TTC39A: variants seen among roughly 807,000 people sequenced by gnomAD.
The protein encoded by TTC39A is tetratricopeptide repeat domain 39A.
TTC39A carries 46 observed loss-of-function variants against 82.3 expected under a neutral mutation model. The observed-to-expected ratio is 0.56, with a 90% CI of 0.44 to 0.71. The LOEUF is 0.71. TTC39A is among the 30% of genes least tolerant of loss of function. The pLI is 0.00. For missense variants in TTC39A, 543 were observed against 712.9 expected (o/e 0.76, Z 2.71); for synonymous variants, 254 against 275.2 (o/e 0.92, Z 0.76).
chr1:51,313,143 T>C (rs146810327), intron 2 of TTC39A, among the ~76,000 whole-genome samples, 200 bp from the exon 3 acceptor site: 5 of 152,340 alleles, frequency 3.3e-5, no homozygotes, highest in Admixed American at 6.5e-5. Flanking sequence ...GCTTGCCTTC[T>C]TCCTGCTGAG....
rs147276961 is a variant in TTC39A at position 51,290,245 on chromosome 1, C to T, written c.1379-126G>A. On this transcript the variant is annotated intron_variant, in intron 15 of 17. Transcript: ENST00000680483. ...AATCAGACACAGTCCCTGTCCTCAGCAGGGGTCACATCTAAGAAGGAAAGG... is the reference window on the plus strand; with the variant it reads ...AATCAGACACAGTCCCTGTCCTCAGTAGGGGTCACATCTAAGAAGGAAAGG... 5.5e-4 allele frequency: 471 copies of T among 850,588 alleles called. 3 individuals carry two copies. In the African/African-American group the frequency reaches 7.1e-3, roughly 13 times the overall value. The allele number at this position is 850,588 out of a possible 1,614,324, so 52.7% of individuals were successfully genotyped here. A position where few individuals can be genotyped will look rare whatever the true frequency, so the allele number is the denominator to read the frequency against.
At chr1:51,342,291 C>A (rs1646046720) in intron 1 of TTC39A, among the ~76,000 whole-genome samples, 1 of 152,218 alleles carries the variant, frequency 6.6e-6, no homozygotes, top group Non-Finnish European at 1.5e-5. Context: ...AGAATCCCCT[C>A]TGCTCAATGC....
intron 12 of TTC39A, chr1:51,299,611 A>G (rs1189027254): frequency 6.6e-6 from 1 of 152,102 alleles, no homozygotes; most frequent in African/African-American, 2.4e-5. Flanking sequence ...AGTGTTGCAG[A>G]GAGAGAGGGA....
intron 3 of TTC39A, 135 bp from the exon 4 acceptor site, chr1:51,312,330 C>T: frequency 1.1e-6 from 1 of 912,528 alleles, no homozygotes; most frequent in Non-Finnish European, 1.6e-6. Flanking sequence ...AGAGGTCAAA[C>T]AGAAGAGGTT....
At position 51,288,241 on chromosome 1, in the gene TTC39A, G is replaced by T. The variant is rs763633434; in HGVS notation, c.1650C>A (p.His550Gln). 19 of 1,613,938 alleles carry T rather than the reference G, an allele frequency of 1.2e-5. No homozygotes were observed. Among genetic ancestry groups the T allele is most frequent in the Middle Eastern group, 3.3e-4 (2 of 6,084 alleles). The change falls in exon 18 of 18, where the codon CAC becomes CAA. Residue 550 changes from histidine to glutamine, a missense_variant. Transcript: ENST00000680483. The surrounding 1 kb of genome is among the most constrained non-coding windows in gnomAD (Gnocchi z 4.8). Reference sequence around the variant, plus strand: ...GGAGTGTGGCTGCCTGGATTCGAAAGTGTGTCCTTGACTCCATGGAGTAAT... The same window carrying T: ...GGAGTGTGGCTGCCTGGATTCGAAATTGTGTCCTTGACTCCATGGAGTAAT... ...YKNYSMESRT[H>Q]FRIQAATLQA...
At chr1:51,342,014 C>T (rs112194425) in intron 1 of TTC39A, among the ~76,000 whole-genome samples, 3,002 of 152,268 alleles carry the variant, frequency 0.02, 55 homozygotes, top group Non-Finnish European at 0.024. Flanking sequence ...TGAGGAGGCC[C>T]CTCCCTCCCA....
chr1:51,311,187 G>A (rs931409017), intron 5 of TTC39A, 67 bp downstream of exon 5: 95 of 1,473,582 alleles, frequency 6.4e-5, no homozygotes, highest in Non-Finnish European at 7.5e-5. Context: ...TAGGGGATGG[G>A]TCATGGTTGG....
intron 1 of TTC39A, among the ~76,000 whole-genome samples, chr1:51,340,382 G>A (rs1646020213): frequency 6.6e-6 from 1 of 152,200 alleles, no homozygotes; most frequent in South Asian, 2.1e-4. Context: ...TCAGATCTCA[G>A]AGCATGAAAA....
At chr1:51,320,082 G>A (rs932505544) in intron 2 of TTC39A, among the ~76,000 whole-genome samples, 3 of 152,124 alleles carry the variant, frequency 2.0e-5, no homozygotes, top group Non-Finnish European at 4.4e-5. Context: ...AAAAGCAAAG[G>A]AGCTCCAGGA....
chr1:51,291,829 C>T lies in TTC39A; in HGVS notation c.1267-1204G>A, dbSNP rs535523078. 5.3e-5 allele frequency among the ~76,000 whole-genome samples: 8 copies of T among 150,750 alleles called. 1 individual carries two copies. The South Asian group carries it at 1.7e-3, about 32-fold the overall frequency. ...TCAAAAAAAAAAAAAAAATTCTTTT[C>T]ACCATGTCTTTGTCAGGCTATTGGT... is the stretch of plus-strand genomic sequence containing the variant. On this transcript the variant is annotated intron_variant, in intron 14 of 17. Coordinates refer to ENST00000680483, the MANE Select transcript of TTC39A (RefSeq NM_001297663.2).
chr1:51,323,221 G>T (rs1330224356), intron 1 of TTC39A, among the ~76,000 whole-genome samples: 2 of 151,772 alleles, frequency 1.3e-5, no homozygotes, highest in Non-Finnish European at 2.9e-5. Context: ...CCCTTCTCTG[G>T]CCTCTGTCAT....
rs140763259 is a variant in TTC39A, at chr1:51,317,195, C to T, written c.147-4252G>A. On this transcript the variant is annotated intron_variant, in intron 2 of 17. Transcript: ENST00000680483. ...ACTGCATGGGACCAGGACAATTAAA[C>T]GAGACAATGTGTGCAGCGAAGAACA... 2.3e-3 allele frequency among the ~76,000 whole-genome samples: 349 copies of T among 152,320 alleles called. 1 individual carries two copies. Among genetic ancestry groups the T allele is most frequent in the Non-Finnish European group, 3.2e-3 (218 of 68,030 alleles).
Position 51,288,998 on chromosome 1 carries a change from T to C in TTC39A, c.1494-43A>G, listed in dbSNP as rs1404258486. The C allele has an allele frequency of 6.6e-7, 1 of 1,516,566 alleles. No homozygotes were observed. Among genetic ancestry groups the C allele is most frequent in the East Asian group, 2.4e-5 (1 of 41,424 alleles). The allele number at this position is 1,516,566 out of a possible 1,614,324, so 93.9% of individuals were successfully genotyped here. ...TGGCTCAGGTTCCTCCTCCTGAGCCTCTCCCAAACTGCATGTGAGGATTTC... is the reference window on the plus strand; with the variant it reads ...TGGCTCAGGTTCCTCCTCCTGAGCCCCTCCCAAACTGCATGTGAGGATTTC... On this transcript the variant is annotated intron_variant, in intron 16 of 17. Coordinates refer to ENST00000680483, the MANE Select transcript of TTC39A (RefSeq NM_001297663.2). The surrounding 1 kb of genome is among the most constrained non-coding windows in gnomAD (Gnocchi z 4.8).
intron 1 of TTC39A, among the ~76,000 whole-genome samples, chr1:51,341,128 T>C (rs1232135427): frequency 6.6e-6 from 1 of 151,958 alleles, no homozygotes; most frequent in Non-Finnish European, 1.5e-5. Context: ...CACCATTGCA[T>C]TCCAGCCTGG....
At chr1:51,309,465 GCCTCC>G (rs1645002248) in intron 5 of TTC39A, 140 bp from the exon 6 acceptor site, 2 of 1,506,546 alleles carry the variant, frequency 1.3e-6, no homozygotes, top group East Asian at 4.8e-5. Context: ...GCCAAACCAG[GCCTCC>G]CTGCTCTTTG....
At position 51,294,512 on chromosome 1, in the gene TTC39A, C is replaced by T. The variant is rs1368312979; in HGVS notation, c.1146-1G>A. 6.2e-7 allele frequency: 1 copy of T among 1,613,890 alleles called. No individual in the cohort carries two copies. Among genetic ancestry groups the T allele is most frequent in the South Asian group, 1.1e-5 (1 of 91,082 alleles). On this transcript the variant is annotated splice_acceptor_variant, in intron 13 of 17. Transcript: ENST00000680483. LOFTEE classifies it high-confidence loss of function. The surrounding 1 kb of genome is among the most constrained non-coding windows in gnomAD (Gnocchi z 4.3). ...CTTGAGCTTCAGGCCTGGCACAGCT[C>T]TGCGAAAGAGATGGGGAGGGTGGGA...
chr1:51,314,626 T>C (rs973495261), intron 2 of TTC39A, among the ~76,000 whole-genome samples: 20 of 152,180 alleles, frequency 1.3e-4, no homozygotes, highest in Non-Finnish European at 2.4e-4. Flanking sequence ...CCAGGGGCAC[T>C]CTCTGGATGC....
intron 1 of TTC39A, among the ~76,000 whole-genome samples, chr1:51,329,335 A>C (rs1645824540): frequency 6.6e-6 from 1 of 152,204 alleles, no homozygotes; most frequent in South Asian, 2.1e-4. Flanking sequence ...AGCCCAGAAC[A>C]GGAAAGGAAC....
intron 6 of TTC39A, among the ~76,000 whole-genome samples, chr1:51,306,367 C>A (rs1045871589): frequency 6.6e-6 from 1 of 152,220 alleles, no homozygotes; most frequent in Non-Finnish European, 1.5e-5. Context: ...TCAGCCTCCG[C>A]GCTACTGACA....
Sources: gnomAD v4.1 joint callset for allele counts (sites outside exome capture counted in the v4.1 genomes callset) on GRCh38, gnomAD v4.1.1 for gene constraint, Gnocchi (gnomAD v3.1) non-coding constraint, MANE v1.5 for transcripts, NCBI Gene and HGNC (gene_info 2026-07-23, HGNC 2026-07-21) for gene names.